The following LPCAT1 variants were observed in gnomAD, a reference collection of about 807,000 sequenced individuals.
The protein encoded by LPCAT1 is lysophosphatidylcholine acyltransferase 1, also known as 1-acylglycerol-3-phosphate O-acyltransferase.
LPCAT1 carries 23 observed loss-of-function variants against 60.9 expected under a neutral mutation model. The observed-to-expected ratio is 0.38, with a 90% confidence interval of 0.27 to 0.53. LPCAT1 has a LOEUF of 0.53. Among genes scored for constraint, LPCAT1 ranks in the 20% least tolerant of loss-of-function variants. The pLI, the probability that LPCAT1 is intolerant of heterozygous loss-of-function variation, is 0.82. For synonymous variants in LPCAT1, 340 were observed against 301.1 expected (o/e 1.13, Z -1.34); for missense variants, 622 against 723.6 (o/e 0.86, Z 1.61).
chr5:1,473,829 G>A (rs1279911910), intron 11 of LPCAT1, 128 bp downstream of exon 11: 2 of 1,116,324 alleles, frequency 1.8e-6, no homozygotes, highest in African/African-American at 1.6e-5. Context: ...GTGGGGTGGT[G>A]ATGGGTGGTT....
At position 1,464,790 on chromosome 5, in the gene LPCAT1, G is replaced by A. The variant is rs1048699526; in HGVS notation, c.1421-955C>T. 5.5e-5 allele frequency among the ~76,000 whole-genome samples: 8 copies of A among 146,704 alleles called. No homozygotes were observed. In the South Asian group the frequency reaches 8.7e-4, roughly 16 times the overall value. ...ACACGGTAACCAAACACACGTGCGC[G>A]CACACACACAAAACAAGCACACACA... On this transcript the variant is annotated intron_variant, in intron 13 of 13. Coordinates refer to ENST00000283415, the MANE Select transcript of LPCAT1 (RefSeq NM_024830.5).
At chr5:1,518,478 C>CT (rs1456958499) in intron 1 of LPCAT1, among the ~76,000 whole-genome samples, 7 of 152,216 alleles carry the variant, frequency 4.6e-5, no homozygotes, top group Admixed American at 3.3e-4. Context: ...GTGGCTGGGA[C>CT]TGCAGGCACC....
intron 1 of LPCAT1, among the ~76,000 whole-genome samples, chr5:1,501,850 C>A (rs1483969937): frequency 6.6e-6 from 1 of 152,094 alleles, no homozygotes; most frequent in East Asian, 1.9e-4. Flanking sequence ...CTGACCAAGG[C>A]TGACCGGCAC....
Position 1,495,582 on chromosome 5 carries a change from CTCTT to C in LPCAT1, c.279-672_279-669del, listed in dbSNP as rs1040068439. 1.3e-5 allele frequency among the ~76,000 whole-genome samples: 2 copies of C among 152,148 alleles called. No homozygotes were observed. The highest frequency in any genetic ancestry group is 4.8e-5 in the African/African-American group (2 of 41,418). On this transcript the variant is annotated intron_variant, in intron 2 of 13. Coordinates refer to ENST00000283415, the MANE Select transcript of LPCAT1 (RefSeq NM_024830.5). This position sits in a 1 kb window ranked among gnomAD's most constrained non-coding sequence, Gnocchi z 4.7. Reference sequence around the variant, plus strand: ...ATTTAGCCTTTTAAATGTGTGTATTCTCTTTCATATGAGGCTACAGATTAGGCTG... The same window carrying C: ...ATTTAGCCTTTTAAATGTGTGTATTCTCATATGAGGCTACAGATTAGGCTG...
intron 1 of LPCAT1, among the ~76,000 whole-genome samples, chr5:1,511,970 G>C (rs1024010005): frequency 6.6e-6 from 1 of 152,232 alleles, no homozygotes; most frequent in Non-Finnish European, 1.5e-5. Flanking sequence ...GGCTTGGGAG[G>C]AGCATCACTT....
chr5:1,504,571 G>A (rs971511174), intron 1 of LPCAT1, among the ~76,000 whole-genome samples: 4 of 152,232 alleles, frequency 2.6e-5, no homozygotes, highest in Non-Finnish European at 5.9e-5. Flanking sequence ...AAAAGTAGCC[G>A]GGCGTGGTGG....
At chr5:1,482,143 G>C (rs1735171193) in intron 6 of LPCAT1, among the ~76,000 whole-genome samples, 1 of 150,090 alleles carries the variant, frequency 6.7e-6, no homozygotes, top group Non-Finnish European at 1.5e-5. Flanking sequence ...GTGGGCTGTG[G>C]GGACCTTGAG....
In LPCAT1 at chr5:1,480,927, C is replaced by T. The variant is rs376718658; in HGVS notation, c.761+15G>A. On this transcript the variant is annotated intron_variant, in intron 7 of 13. Transcript: ENST00000283415. This position sits in a 1 kb window ranked among gnomAD's most constrained non-coding sequence, Gnocchi z 6.4. ...GAACAACAGGACAAAGAGGACGACA[C>T]GGCGTTCAACTTACGCTCCAGGTCC... is the stretch of plus-strand genomic sequence containing the variant. 59 of 1,613,818 alleles carry T rather than the reference C, an allele frequency of 3.7e-5. No individual in the cohort carries two copies. The highest frequency in any genetic ancestry group is 4.7e-5 in the Non-Finnish European group (56 of 1,179,970).
rs111788433 is a variant in LPCAT1, at chr5:1,495,798, T to C, written c.279-884A>G. ...GAGAAACAAGAGCCTGAAGCCTTAC[T>C]GGATTCACATTGCCCTGGGACAGAT... On this transcript the variant is annotated intron_variant, in intron 2 of 13. Coordinates refer to ENST00000283415, the MANE Select transcript of LPCAT1 (RefSeq NM_024830.5). The surrounding 1 kb of genome is among the most constrained non-coding windows in gnomAD (Gnocchi z 4.7). Among the ~76,000 whole-genome samples, 950 of 152,324 alleles carry C rather than the reference T, an allele frequency of 6.2e-3. 13 individuals carry two copies. Among genetic ancestry groups the C allele is most frequent in the African/African-American group, 0.022 (911 of 41,576 alleles).
rs1736064605 is a variant in LPCAT1 at position 1,502,747 on chromosome 5, C to T, written c.136-1144G>A. Among the ~76,000 whole-genome samples, 1 of 152,128 alleles carries T rather than the reference C, an allele frequency of 6.6e-6. No homozygotes were observed. Among genetic ancestry groups the T allele is most frequent in the Non-Finnish European group, 1.5e-5 (1 of 68,032 alleles). On this transcript the variant is annotated intron_variant, in intron 1 of 13. Transcript: ENST00000283415. This position sits in a 1 kb window ranked among gnomAD's most constrained non-coding sequence, Gnocchi z 5.5. ...CACAGATCGCAGTTGGCTCCCCAAGCAGCAGCCATCCCTAATTTCTGATGC... is the reference window on the plus strand; with the variant it reads ...CACAGATCGCAGTTGGCTCCCCAAGTAGCAGCCATCCCTAATTTCTGATGC...
chr5:1,479,789 C>A (rs545179896), intron 7 of LPCAT1, 114 bp from the exon 8 acceptor site: 21 of 781,498 alleles, frequency 2.7e-5, no homozygotes, highest in Non-Finnish European at 3.9e-5. Flanking sequence ...CGCTACTGGG[C>A]AGTCAACGCT....
chr5:1,516,631 C>T (rs1339348264), intron 1 of LPCAT1, among the ~76,000 whole-genome samples: 1 of 146,518 alleles, frequency 6.8e-6, no homozygotes, highest in East Asian at 1.9e-4. Flanking sequence ...TTCTTTCTTT[C>T]CTTTTTTTTT....
Position 1,481,530 on chromosome 5 carries a change from G to A in LPCAT1, c.727-554C>T, listed in dbSNP as rs1009652109. On this transcript the variant is annotated intron_variant, in intron 6 of 13. Coordinates refer to ENST00000283415, the MANE Select transcript of LPCAT1 (RefSeq NM_024830.5). This position sits in a 1 kb window ranked among gnomAD's most constrained non-coding sequence, Gnocchi z 7.8. ...GCAGGGACCACACAGCAGGGGCCGTGACGGCAGAGGCCCAGACACCGTCAC... is the reference window on the plus strand; with the variant it reads ...GCAGGGACCACACAGCAGGGGCCGTAACGGCAGAGGCCCAGACACCGTCAC... Among the ~76,000 whole-genome samples, 2 of 152,292 alleles carry A rather than the reference G, an allele frequency of 1.3e-5. No individual in the cohort carries two copies. The highest frequency in any genetic ancestry group is 2.9e-5 in the Non-Finnish European group (2 of 68,056).
At chr5:1,473,373 G>C (rs923849291) in intron 11 of LPCAT1, among the ~76,000 whole-genome samples, 4 of 152,262 alleles carry the variant, frequency 2.6e-5, no homozygotes, top group African/African-American at 7.2e-5. Flanking sequence ...GTGGCAGCCT[G>C]TCCCGCCCCT....
chr5:1,504,122 T>G (rs1198649373), intron 1 of LPCAT1, among the ~76,000 whole-genome samples: 1 of 152,264 alleles, frequency 6.6e-6, no homozygotes, highest in Non-Finnish European at 1.5e-5. Context: ...AAGCCCACTT[T>G]GTTATTTTCA....
chr5:1,464,335 T>G (rs764108350), intron 13 of LPCAT1, among the ~76,000 whole-genome samples: 57 of 152,264 alleles, frequency 3.7e-4, no homozygotes, highest in Non-Finnish European at 7.2e-4. Flanking sequence ...CTCCTACTGA[T>G]GGCGCCATGG....
chr5:1,501,336 G>A (rs1215324633), intron 2 of LPCAT1, 125 bp downstream of exon 2: 22 of 1,339,314 alleles, frequency 1.6e-5, no homozygotes, highest in Middle Eastern at 2.7e-4. Flanking sequence ...GGTGGACGCT[G>A]GGCTCAGAAG....
intron 2 of LPCAT1, among the ~76,000 whole-genome samples, chr5:1,497,938 A>T (rs1735854267): frequency 6.6e-6 from 1 of 152,266 alleles, no homozygotes; most frequent in Non-Finnish European, 1.5e-5. Flanking sequence ...ATTCAGCGCC[A>T]GATGGTCGGG....
chr5:1,504,708 C>A (rs576460191), intron 1 of LPCAT1, among the ~76,000 whole-genome samples: 1 of 137,098 alleles, frequency 7.3e-6, no homozygotes, highest in East Asian at 2.0e-4. Context: ...GAGCGAATCT[C>A]CGTCCCAAAA....
Sources: gnomAD v4.1 joint callset for allele counts (sites outside exome capture counted in the v4.1 genomes callset) on GRCh38, gnomAD v4.1.1 for gene constraint, Gnocchi (gnomAD v3.1) non-coding constraint, MANE v1.5 for transcripts, NCBI Gene and HGNC (gene_info 2026-07-23, HGNC 2026-07-21) for gene names.